Variants in CSMD3 observed in about 807,000 individuals in gnomAD.
CSMD3 encodes the protein CUB and sushi domain-containing protein 3.
CSMD3 carries 177 observed loss-of-function variants against 435.2 expected under a neutral mutation model. The observed-to-expected ratio is 0.41, with a 90% CI of 0.36 to 0.46. CSMD3 has a LOEUF of 0.46. Among genes scored for constraint, CSMD3 ranks in the 20% least tolerant of loss-of-function variants. The probability of loss-of-function intolerance (pLI) is 0.34; values close to 1 mark genes in which losing one functional copy is unlikely to be tolerated. For synonymous variants in CSMD3, 1,656 were observed against 1,520.5 expected (o/e 1.09, Z -2.07); for missense variants, 4,265 against 4,504.6 (o/e 0.95, Z 1.52).
At chr8:112,556,057 G>A (rs1298567036) in intron 25 of CSMD3, among the ~76,000 whole-genome samples, 2 of 150,842 alleles carry the variant, frequency 1.3e-5, no homozygotes, top group South Asian at 2.1e-4. Context: ...GTTTTCCTTT[G>A]TTGTCCTAGT....
intron 32 of CSMD3, 89 bp from the exon 33 acceptor site, chr8:112,409,121 A>G: frequency 6.3e-7 from 1 of 1,589,948 alleles, no homozygotes; most frequent in Non-Finnish European, 8.6e-7. Context: ...AGGAGGAGAG[A>G]GAGAACAAAG....
intron 2 of CSMD3, among the ~76,000 whole-genome samples, chr8:113,295,014 AAAG>A (rs1375323065): frequency 6.6e-6 from 1 of 152,142 alleles, no homozygotes; most frequent in Non-Finnish European, 1.5e-5. Context: ...TATTTTCCAT[AAAG>A]TTTATTTTTA....
intron 2 of CSMD3, among the ~76,000 whole-genome samples, chr8:113,281,376 T>C (rs1468861010): frequency 6.6e-6 from 1 of 151,996 alleles, no homozygotes; most frequent in Non-Finnish European, 1.5e-5. Flanking sequence ...ATGTTTAGGA[T>C]TGTCATATTT....
chr8:112,238,733 TAA>T (rs944263729), intron 66 of CSMD3, among the ~76,000 whole-genome samples: 19 of 152,018 alleles, frequency 1.2e-4, no homozygotes, highest in Admixed American at 3.3e-4. Flanking sequence ...TTAAAAATTA[TAA>T]GTGTTGAATT....
intron 61 of CSMD3, among the ~76,000 whole-genome samples, chr8:112,258,545 A>T (rs1586564819): frequency 6.6e-6 from 1 of 152,244 alleles, no homozygotes; most frequent in African/African-American, 2.4e-5. Flanking sequence ...ATCACTGGTC[A>T]TTAGAGAAAT....
chr8:112,337,748 G>GA lies in CSMD3; in HGVS notation c.6653-18dup. On this transcript the variant is annotated splice_polypyrimidine_tract_variant and intron_variant, in intron 42 of 70. Transcript: ENST00000297405. ...ACTGATAGGCTGGAAAGAGGAAAAAGAAAGACATTTTTTCTTTCCAAATTT... is the reference window on the plus strand; with the variant it reads ...ACTGATAGGCTGGAAAGAGGAAAAAGAAAAGACATTTTTTCTTTCCAAATTT... 6.2e-7 allele frequency: 1 copy of GA among 1,600,028 alleles called. No homozygotes were observed. Among genetic ancestry groups the GA allele is most frequent in the Non-Finnish European group, 8.5e-7 (1 of 1,170,886 alleles).
At chr8:112,518,915 G>C (rs1444098495) in intron 27 of CSMD3, among the ~76,000 whole-genome samples, 3 of 152,010 alleles carry the variant, frequency 2.0e-5, no homozygotes, top group Admixed American at 6.6e-5. Context: ...CAGAGAAGGA[G>C]AGAGAGAGTG....
At chr8:112,819,656 A>G (rs1587387595) in intron 12 of CSMD3, among the ~76,000 whole-genome samples, 1 of 152,186 alleles carries the variant, frequency 6.6e-6, no homozygotes, top group East Asian at 1.9e-4. Context: ...TTTGTTTCTG[A>G]GGGAGAACAG....
chr8:112,812,547 A>C (rs934235948), intron 12 of CSMD3, among the ~76,000 whole-genome samples: 5 of 152,122 alleles, frequency 3.3e-5, no homozygotes, highest in African/African-American at 1.2e-4. Flanking sequence ...CTGCCCTTAA[A>C]GTTTTTAATA....
In CSMD3 at chr8:112,599,021, G is replaced by T. The variant is rs1263213202; in HGVS notation, c.3716-11786C>A. Among the ~76,000 whole-genome samples the T allele has an allele frequency of 2.3e-3, 348 of 149,138 alleles. 1 individual carries two copies. Among genetic ancestry groups the T allele is most frequent in the Non-Finnish European group, 4.2e-3 (278 of 66,794 alleles). On this transcript the variant is annotated intron_variant, in intron 22 of 70. Transcript: ENST00000297405. ...AACAAAAGACAAAATTGACAAATGGGATCTAATTAAACTAAAGAGCTTCTG... is the reference window on the plus strand; with the variant it reads ...AACAAAAGACAAAATTGACAAATGGTATCTAATTAAACTAAAGAGCTTCTG...
intron 26 of CSMD3, 52 bp downstream of exon 26, chr8:112,552,542 G>T (rs1043971737): frequency 4.5e-6 from 7 of 1,554,324 alleles, no homozygotes; most frequent in Non-Finnish European, 5.3e-6. Flanking sequence ...TATAGGGGTT[G>T]GTTAGGCACT....
At chr8:112,763,204 G>C (rs919328131) in intron 13 of CSMD3, among the ~76,000 whole-genome samples, 1 of 151,396 alleles carries the variant, frequency 6.6e-6, no homozygotes, top group Non-Finnish European at 1.5e-5. Context: ...TTTGGCATCT[G>C]CTCAAAAAAT....
At position 112,902,208 on chromosome 8, in the gene CSMD3, C is replaced by G. The variant is rs138809611; in HGVS notation, c.1633+19419G>C. Among the ~76,000 whole-genome samples the G allele has an allele frequency of 8.6e-3, 1,303 of 151,304 alleles. 19 individuals are homozygous for G. Among genetic ancestry groups the G allele is most frequent in the African/African-American group, 0.029 (1,219 of 41,396 alleles). On this transcript the variant is annotated intron_variant, in intron 10 of 70. Transcript: ENST00000297405. ...CCAAACTTGTCAGTGGCAAGACTAC[C>G]AAGCACACTGTTTTTCAAAAGCAGC...
chr8:112,914,923 G>C (rs1378656779), intron 10 of CSMD3, among the ~76,000 whole-genome samples: 1 of 151,852 alleles, frequency 6.6e-6, no homozygotes, highest in Non-Finnish European at 1.5e-5. Context: ...CCTAACTGTA[G>C]TATATTTAAG....
At position 112,295,874 on chromosome 8, in the gene CSMD3, T is replaced by C. The variant is rs1490675419; in HGVS notation, c.8573A>G (p.Gln2858Arg). The C allele has an allele frequency of 6.2e-7, 1 of 1,613,952 alleles. No individual in the cohort carries two copies. The highest frequency in any genetic ancestry group is 1.3e-5 in the African/African-American group (1 of 74,914). ...CTGACCAGACCAATTGTGATCCTGT[T>C]GACATATCCTCACTGAAGAACCAAT... Reference protein sequence around the residue: ...RLIGSSVRICQQDHNWSGQLP... With the variant: ...RLIGSSVRICRQDHNWSGQLP... The change falls in exon 54 of 71, where the codon CAA becomes CGA. Residue 2858 changes from glutamine to arginine, a missense_variant. Gln to Arg is a conservative substitution (Grantham distance 43). Transcript: ENST00000297405.
At chr8:113,318,599 T>C (rs1469057103) in intron 1 of CSMD3, among the ~76,000 whole-genome samples, 5 of 152,102 alleles carry the variant, frequency 3.3e-5, no homozygotes, top group African/African-American at 1.2e-4. Context: ...TGCTCACCCA[T>C]GGAAATCACT....
intron 32 of CSMD3, among the ~76,000 whole-genome samples, chr8:112,453,423 T>C (rs1457979974): frequency 6.6e-6 from 1 of 152,076 alleles, no homozygotes. Context: ...AGTCTCAGGA[T>C]ACAAAATCAA....
rs189956007 is a variant in CSMD3 at position 113,128,588 on chromosome 8, C to T, written c.710-29625G>A. Among the ~76,000 whole-genome samples, 127 of 152,012 alleles carry T rather than the reference C, an allele frequency of 8.4e-4. 1 individual carries two copies. Among genetic ancestry groups the T allele is most frequent in the African/African-American group, 2.8e-3 (118 of 41,520 alleles). ...CCTAGATGCATTGATACAAATCATA[C>T]ATATATTTAAAATATATTTCCAAAC... On this transcript the variant is annotated intron_variant, in intron 4 of 70. Transcript: ENST00000297405.
At chr8:113,200,328 T>C (rs1215082394) in intron 3 of CSMD3, among the ~76,000 whole-genome samples, 1 of 151,876 alleles carries the variant, frequency 6.6e-6, no homozygotes, top group Non-Finnish European at 1.5e-5. Flanking sequence ...CTCACTAGGA[T>C]GCTGCAATAT....
Sources: gnomAD v4.1 joint callset for allele counts (sites outside exome capture counted in the v4.1 genomes callset) on GRCh38, gnomAD v4.1.1 for gene constraint, MANE v1.5 for transcripts, NCBI Gene and HGNC (gene_info 2026-07-23, HGNC 2026-07-21) for gene names.